UNC13C: variants seen among roughly 807,000 people sequenced by gnomAD.
UNC13C encodes unc-13 homolog C.
Under a neutral mutation model 245.4 loss-of-function variants are expected in UNC13C, and 174 were observed. The ratio of observed to expected loss-of-function variants is 0.71; its 90% CI spans 0.63 to 0.80. The LOEUF is 0.80. Among genes scored for constraint, UNC13C ranks in the 30% least tolerant of loss-of-function variants. UNC13C has a pLI of 0.00. For synonymous variants in UNC13C, 992 were observed against 895.1 expected (o/e 1.11, Z -1.93); for missense variants, 2,829 against 2,602.9 (o/e 1.09, Z -1.89).
intron 2 of UNC13C, among the ~76,000 whole-genome samples, chr15:54,107,100 G>A (rs1283819076): frequency 1.3e-5 from 2 of 152,156 alleles, no homozygotes; most frequent in African/African-American, 4.8e-5. Context: ...ATATCAGAAA[G>A]TTAGAAAATA....
intron 17 of UNC13C, among the ~76,000 whole-genome samples, chr15:54,369,738 A>G (rs1254050881): frequency 6.6e-6 from 1 of 152,156 alleles, no homozygotes; most frequent in Non-Finnish European, 1.5e-5. Flanking sequence ...AGAAAAAATG[A>G]CACTCAGATT....
intron 2 of UNC13C, among the ~76,000 whole-genome samples, chr15:54,096,301 A>T (rs1305925952): frequency 6.7e-6 from 1 of 150,210 alleles, no homozygotes; most frequent in Non-Finnish European, 1.5e-5. Context: ...TCCACGTTTC[A>T]TCACATGGTC....
At chr15:54,000,526 T>A (rs1894838627) in intron 1 of UNC13C, among the ~76,000 whole-genome samples, 1 of 152,166 alleles carries the variant, frequency 6.6e-6, no homozygotes, top group Admixed American at 6.5e-5. Flanking sequence ...TTTTAGATGA[T>A]CTATCAAGTG....
chr15:54,449,935 G>A (rs8028248), intron 19 of UNC13C, among the ~76,000 whole-genome samples: 13,549 of 152,178 alleles, frequency 0.089, 760 homozygotes, highest in African/African-American at 0.16. Context: ...TGATGGTGAC[G>A]TACAGATGGG....
At chr15:53,913,838 C>T in the UNC13C span, 1 of 152,184 alleles carries the variant, frequency 6.6e-6, no homozygotes, top group Non-Finnish European at 1.5e-5. Context: ...TATGTGTAGG[C>T]AGGGAGCTAC....
intron 1 of UNC13C, among the ~76,000 whole-genome samples, chr15:53,987,798 G>C (rs1894211482): frequency 1.3e-5 from 2 of 152,156 alleles, no homozygotes; most frequent in African/African-American, 4.8e-5. Context: ...GTGTGCCTTA[G>C]GCTATCTGAA....
At chr15:54,028,273 C>T (rs1046223830) in intron 2 of UNC13C, among the ~76,000 whole-genome samples, 1 of 152,128 alleles carries the variant, frequency 6.6e-6, no homozygotes, top group Non-Finnish European at 1.5e-5. Context: ...ACATTCATCA[C>T]CTCAAACTCA....
intron 30 of UNC13C, among the ~76,000 whole-genome samples, chr15:54,586,235 C>G (rs1382839404): frequency 6.6e-6 from 1 of 152,202 alleles, no homozygotes; most frequent in Admixed American, 6.5e-5. Context: ...TCTTTCCTTA[C>G]TTTTAACATG....
At chr15:54,350,987 T>G (rs2140841760) in intron 17 of UNC13C, among the ~76,000 whole-genome samples, 1 of 152,274 alleles carries the variant, frequency 6.6e-6, no homozygotes. Flanking sequence ...TCACTTAAAA[T>G]TTTTCTATTT....
chr15:54,347,820 C>G (rs1203284706), intron 17 of UNC13C, among the ~76,000 whole-genome samples: 1 of 152,132 alleles, frequency 6.6e-6, no homozygotes, highest in East Asian at 1.9e-4. Context: ...CCTCCCAAGT[C>G]AAATTCTCTC....
intron 4 of UNC13C, among the ~76,000 whole-genome samples, chr15:54,207,971 C>T (rs2034766960): frequency 6.6e-6 from 1 of 152,058 alleles, no homozygotes; most frequent in Admixed American, 6.6e-5. Context: ...TAAAAGAATA[C>T]TTAAACTGGA....
intron 1 of UNC13C, among the ~76,000 whole-genome samples, chr15:54,009,915 A>G (rs763691704): frequency 6.6e-6 from 1 of 151,928 alleles, no homozygotes; most frequent in African/African-American, 2.4e-5. Flanking sequence ...ATTAGTGCCT[A>G]CTCCTCAAAT....
intron 19 of UNC13C, among the ~76,000 whole-genome samples, chr15:54,452,693 T>C (rs1891246630): frequency 6.6e-6 from 1 of 152,194 alleles, no homozygotes; most frequent in Admixed American, 6.5e-5. Context: ...AGCAGCATGC[T>C]TTTGTGGAGA....
rs185096552 is a variant in UNC13C at position 54,242,098 on chromosome 15, G to A, written c.3228+4408G>A. Among the ~76,000 whole-genome samples, 203 of 152,170 alleles carry A rather than the reference G, an allele frequency of 1.3e-3. 2 individuals carry two copies. Among genetic ancestry groups the A allele is most frequent in the Admixed American group, 2.4e-3 (36 of 15,278 alleles). On this transcript the variant is annotated intron_variant, in intron 7 of 32. Coordinates refer to ENST00000260323, the MANE Select transcript of UNC13C (RefSeq NM_001080534.3). ...TTTTTGCATCTACTTTGCATCATAA[G>A]GTAAAAATGACTATGTTTTTCTGTG...
At chr15:53,897,357 G>A in the UNC13C span, among the ~76,000 whole-genome samples, 6 of 152,306 alleles carry the variant, frequency 3.9e-5, no homozygotes, top group South Asian at 1.0e-3. Flanking sequence ...TACCAGCTCA[G>A]TCATCTCTCA....
intron 11 of UNC13C, among the ~76,000 whole-genome samples, chr15:54,296,222 A>T (rs1410149960): frequency 1.3e-5 from 2 of 151,596 alleles, no homozygotes; most frequent in East Asian, 3.9e-4. Flanking sequence ...TATTTTTGAG[A>T]CGGAGTCTCG....
intron 6 of UNC13C, among the ~76,000 whole-genome samples, chr15:54,237,378 C>T (rs963272565): frequency 1.3e-5 from 2 of 152,034 alleles, no homozygotes; most frequent in Non-Finnish European, 2.9e-5. Context: ...CCTTTCTGGG[C>T]CTCAGTTTCA....
rs548430030 is a variant in UNC13C at position 54,042,714 on chromosome 15, A to G, written c.2983+26828A>G. Among the ~76,000 whole-genome samples the G allele has an allele frequency of 5.4e-3, 820 of 152,184 alleles. 5 individuals are homozygous for G. Among genetic ancestry groups the G allele is most frequent in the South Asian group, 8.9e-3 (43 of 4,820 alleles). ...TAAAAATGCAAGAAATTAGCCGGGC[A>G]TGGTGGTGGGTGCCTGTGGTACCAG... On this transcript the variant is annotated intron_variant, in intron 2 of 32. Coordinates refer to ENST00000260323, the MANE Select transcript of UNC13C (RefSeq NM_001080534.3).
chr15:54,532,470 A>G (rs970075341), intron 25 of UNC13C, among the ~76,000 whole-genome samples: 2 of 152,234 alleles, frequency 1.3e-5, no homozygotes, highest in African/African-American at 4.8e-5. Flanking sequence ...ACTATGGTAC[A>G]TATACACCAT....
Sources: allele counts gnomAD v4.1 joint callset (sites outside exome capture counted in the v4.1 genomes callset), GRCh38; gene constraint gnomAD v4.1.1; transcripts MANE v1.5; gene names NCBI Gene and HGNC (gene_info 2026-07-23, HGNC 2026-07-21).